Variants in ZNF529 observed in about 807,000 individuals in gnomAD.
The protein encoded by ZNF529 is zinc finger protein 529.
In ZNF529, 11 loss-of-function variants were observed where a neutral mutation model predicts 10.1. The ratio of observed to expected loss-of-function variants is 1.09; its 90% CI spans 0.69 to 1.81. ZNF529 has a LOEUF of 1.81. ZNF529 is among the 40% of genes most tolerant of loss of function. The pLI is 0.00. For missense variants in ZNF529, 624 were observed against 666.8 expected (o/e 0.94, Z 0.71); for synonymous variants, 204 against 215.7 (o/e 0.95, Z 0.47).
At chr19:36,595,389 C>G (rs2036818965) in intron 1 of ZNF529, among the ~76,000 whole-genome samples, 1 of 152,086 alleles carries the variant, frequency 6.6e-6, no homozygotes. Flanking sequence ...TTCAACAGAG[C>G]AAGACACAAA....
chr19:36,546,735 C>T lies in ZNF529; in HGVS notation c.*131G>A. 1.1e-6 allele frequency: 1 copy of T among 949,230 alleles called. No individual in the cohort carries two copies. Among genetic ancestry groups the T allele is most frequent in the Non-Finnish European group, 1.5e-6 (1 of 645,406 alleles). The allele number at this position is 949,230 out of a possible 1,614,324, so 58.8% of individuals were successfully genotyped here. A position where few individuals can be genotyped will look rare whatever the true frequency, so the allele number is the denominator to read the frequency against. On this transcript the variant is annotated 3_prime_UTR_variant, in exon 5 of 5. Coordinates refer to ENST00000591340, the MANE Select transcript of ZNF529 (RefSeq NM_020951.5). ...GACTAAGCAATTCTACGTCTACATACAGAATGACCATGAAGTCTAAAAACA... is the reference window on the plus strand; with the variant it reads ...GACTAAGCAATTCTACGTCTACATATAGAATGACCATGAAGTCTAAAAACA...
intron 2 of ZNF529, among the ~76,000 whole-genome samples, chr19:36,563,562 C>T (rs1229720045): frequency 6.6e-6 from 1 of 151,962 alleles, no homozygotes; most frequent in Non-Finnish European, 1.5e-5. Flanking sequence ...AAAAGAATAA[C>T]ATACCTAAGA....
intron 4 of ZNF529, among the ~76,000 whole-genome samples, chr19:36,554,313 T>TC (rs2035372828): frequency 6.6e-6 from 1 of 152,184 alleles, no homozygotes; most frequent in Non-Finnish European, 1.5e-5. Context: ...GCGCAGTGGC[T>TC]CACACCTGTA....
intron 3 of ZNF529, 151 bp downstream of exon 3, chr19:36,555,953 C>T: frequency 1.4e-6 from 1 of 690,156 alleles, no homozygotes; most frequent in Non-Finnish European, 2.4e-6. Context: ...GGAATAGAGG[C>T]ACACAGGAGG....
At chr19:36,602,594 TCA>T (rs949941172) in intron 1 of ZNF529, among the ~76,000 whole-genome samples, 2 of 151,892 alleles carry the variant, frequency 1.3e-5, no homozygotes, top group African/African-American at 4.8e-5. Flanking sequence ...TATACCATAC[TCA>T]CACAGTCTAC....
intron 2 of ZNF529, among the ~76,000 whole-genome samples, chr19:36,570,217 C>T (rs1458547915): frequency 1.3e-5 from 2 of 151,554 alleles, no homozygotes; most frequent in Non-Finnish European, 2.9e-5. Context: ...AAAAATTAGC[C>T]GGGTGTTGTG....
intron 2 of ZNF529, among the ~76,000 whole-genome samples, chr19:36,562,718 T>A (rs2035752315): frequency 2.0e-5 from 3 of 151,426 alleles, no homozygotes; most frequent in Non-Finnish European, 4.4e-5. Context: ...GTGCCTGTAG[T>A]CCCAGCTACT....
chr19:36,605,128 C>T (rs2037002867), exon 1 of ZNF529: 1 of 152,418 alleles, frequency 6.6e-6, no homozygotes, highest in African/African-American at 2.4e-5. Flanking sequence ...CAACTCACCA[C>T]ATGGAAAACG....
upstream of ZNF529, chr19:36,577,110 ACC>A: frequency 2.2e-6 from 1 of 447,348 alleles, no homozygotes; most frequent in South Asian, 1.6e-5. Flanking sequence ...CCACTACTAT[ACC>A]TGGCTAATTT....
chr19:36,553,186 C>T (rs896479610), intron 4 of ZNF529, among the ~76,000 whole-genome samples: 21 of 152,078 alleles, frequency 1.4e-4, no homozygotes, highest in African/African-American at 5.1e-4. Flanking sequence ...AGTGCAGTGG[C>T]GCAATCTTGG....
At chr19:36,590,816 G>C (rs2036690273) in intron 1 of ZNF529, among the ~76,000 whole-genome samples, 1 of 151,388 alleles carries the variant, frequency 6.6e-6, no homozygotes, top group South Asian at 2.1e-4. Flanking sequence ...TGTAGTCCCA[G>C]CTACTCTGGA....
chr19:36,572,625 C>A (rs1434491149), intron 1 of ZNF529, among the ~76,000 whole-genome samples: 2 of 152,150 alleles, frequency 1.3e-5, no homozygotes, highest in Non-Finnish European at 2.9e-5. Context: ...TATAAATGGC[C>A]TCCAAACTCA....
At chr19:36,585,684 A>G (rs952248809) in intron 2 of ZNF529, among the ~76,000 whole-genome samples, 2 of 152,194 alleles carry the variant, frequency 1.3e-5, no homozygotes, top group Non-Finnish European at 2.9e-5. Context: ...TACAAAAGAG[A>G]TTACTATGAA....
intron 2 of ZNF529, among the ~76,000 whole-genome samples, chr19:36,588,942 CTTT>C (rs11352017): frequency 4.1e-4 from 57 of 139,242 alleles, no homozygotes; most frequent in Non-Finnish European, 2.6e-4. Context: ...AGAACCCCAT[CTTT>C]TTTTTTTTTT....
In ZNF529 at chr19:36,567,289, C is replaced by A. The variant is rs531644433; in HGVS notation, c.14+5044G>T. 1.1e-4 allele frequency among the ~76,000 whole-genome samples: 17 copies of A among 152,140 alleles called. No homozygotes were observed. The South Asian group carries it at 3.5e-3, about 32-fold the overall frequency. ...AAATGGTGCCAGAAAAATTGAATAT[C>A]CACATGCAAAAGAATGAAATTGCAT... On this transcript the variant is annotated intron_variant, in intron 2 of 4. Transcript: ENST00000591340.
intron 1 of ZNF529, among the ~76,000 whole-genome samples, chr19:36,604,203 G>A (rs1403282175): frequency 6.6e-6 from 1 of 152,068 alleles, no homozygotes; most frequent in African/African-American, 2.4e-5. Context: ...AAAATCTTTG[G>A]AGAAACGAAT....
chr19:36,594,966 C>A (rs2036810813), intron 1 of ZNF529, among the ~76,000 whole-genome samples: 1 of 151,964 alleles, frequency 6.6e-6, no homozygotes, highest in African/African-American at 2.4e-5. Flanking sequence ...GCAACCTCCG[C>A]CTCCTGGGTT....
At chr19:36,561,109 G>A (rs530084745) in intron 2 of ZNF529, among the ~76,000 whole-genome samples, 1 of 152,280 alleles carries the variant, frequency 6.6e-6, no homozygotes, top group East Asian at 1.9e-4. Context: ...GGCCCACAGT[G>A]CGAGGGCCTT....
chr19:36,554,582 A>G, intron 4 of ZNF529, 88 bp downstream of exon 4: 1 of 1,216,116 alleles, frequency 8.2e-7, no homozygotes, highest in Non-Finnish European at 1.1e-6. Flanking sequence ...CATCTCATAA[A>G]CAAAACAAAA....
Sources: gnomAD v4.1 joint callset for allele counts (sites outside exome capture counted in the v4.1 genomes callset) on GRCh38, gnomAD v4.1.1 for gene constraint, MANE v1.5 for transcripts, NCBI Gene and HGNC (gene_info 2026-07-23, HGNC 2026-07-21) for gene names.